Variants in GRM5 observed in about 807,000 individuals in gnomAD.
GRM5 encodes glutamate metabotropic receptor 5.
GRM5 carries 19 observed loss-of-function variants against 83.1 expected under a neutral mutation model. That is an observed-to-expected ratio of 0.23 (90% CI 0.16 to 0.34). The LOEUF is 0.34. Among genes scored for constraint, GRM5 ranks in the 10% least tolerant of loss-of-function variants. The pLI, the probability that GRM5 is intolerant of heterozygous loss-of-function variation, is 1.00. For missense variants in GRM5, 1,160 were observed against 1,588.3 expected, an observed-to-expected ratio of 0.73 and a Z score of 4.58; for synonymous variants, 675 against 633.6, an observed-to-expected ratio of 1.07 and a Z score of -0.98.
chr11:88,611,090 T>C (rs1938301478), intron 4 of GRM5, among the ~76,000 whole-genome samples: 1 of 152,216 alleles, frequency 6.6e-6, no homozygotes. Context: ...TTAATTAACA[T>C]TTTCATGTGC....
chr11:88,982,078 T>G (rs1939542732), intron 2 of GRM5, among the ~76,000 whole-genome samples: 1 of 152,228 alleles, frequency 6.6e-6, no homozygotes, highest in East Asian at 1.9e-4. Flanking sequence ...ATCCTGCTGT[T>G]GGTATTGGGT....
intron 4 of GRM5, among the ~76,000 whole-genome samples, chr11:88,648,875 TTGGATAGTAGGAG>T (rs904373978): frequency 6.7e-6 from 1 of 150,176 alleles, no homozygotes; most frequent in African/African-American, 2.5e-5. Flanking sequence ...AGCGGTGTAA[TTGGATAGTAGGAG>T]TGGAGAGAGA....
chr11:89,035,061 T>C (rs536446053), intron 2 of GRM5, among the ~76,000 whole-genome samples: 43 of 151,746 alleles, frequency 2.8e-4, no homozygotes, highest in African/African-American at 9.9e-4. Context: ...GTTATTCTCA[T>C]CCAAATTATA....
intron 3 of GRM5, among the ~76,000 whole-genome samples, chr11:88,701,632 T>A (rs1463857445): frequency 6.6e-6 from 1 of 152,140 alleles, no homozygotes; most frequent in Non-Finnish European, 1.5e-5. Flanking sequence ...TCTTATACAT[T>A]TTAGGGAAGT....
At chr11:88,964,513 G>A (rs1475337472) in intron 2 of GRM5, among the ~76,000 whole-genome samples, 2 of 152,094 alleles carry the variant, frequency 1.3e-5, no homozygotes, top group Non-Finnish European at 2.9e-5. Context: ...GAGCCCATCT[G>A]AGTGCTGTGG....
chr11:88,591,310 C>A (rs1338721530), intron 6 of GRM5, among the ~76,000 whole-genome samples: 1 of 152,122 alleles, frequency 6.6e-6, no homozygotes, highest in African/African-American at 2.4e-5. Flanking sequence ...ACAATTCAAC[C>A]CATTCTTTCC....
chr11:88,996,216 C>A (rs1399308116), intron 2 of GRM5, among the ~76,000 whole-genome samples: 2 of 152,198 alleles, frequency 1.3e-5, no homozygotes, highest in Non-Finnish European at 2.9e-5. Context: ...AATTTGATTA[C>A]AGCTGTGTCT....
intron 3 of GRM5, among the ~76,000 whole-genome samples, chr11:88,740,241 A>AT (rs1286735967): frequency 6.6e-6 from 1 of 151,936 alleles, no homozygotes; most frequent in African/African-American, 2.4e-5. Flanking sequence ...CCACAGGATA[A>AT]TTTTTTTCCA....
At chr11:88,918,641 A>G (rs1736801699) in intron 2 of GRM5, among the ~76,000 whole-genome samples, 1 of 152,048 alleles carries the variant, frequency 6.6e-6, no homozygotes, top group African/African-American at 2.4e-5. Flanking sequence ...TATCTTGAGT[A>G]GGAAGACTAA....
At chr11:88,941,189 A>C (rs1328257795) in intron 2 of GRM5, among the ~76,000 whole-genome samples, 3 of 151,780 alleles carry the variant, frequency 2.0e-5, no homozygotes, top group African/African-American at 7.3e-5. Context: ...AGCCTGAAGC[A>C]CCTTAATGTG....
At position 89,030,864 on chromosome 11, in the gene GRM5, A is replaced by C. The variant is rs559989153; in HGVS notation, c.661+16348T>G. On this transcript the variant is annotated intron_variant, in intron 2 of 9. Coordinates refer to ENST00000305447, the MANE Select transcript of GRM5 (RefSeq NM_001143831.3). Reference sequence around the variant, plus strand: ...AGTTTACATGCGTATTTGACTAACTAGTCCATGGTGGAAGTAAAACTAAAC... The same window carrying C: ...AGTTTACATGCGTATTTGACTAACTCGTCCATGGTGGAAGTAAAACTAAAC... Among the ~76,000 whole-genome samples the C allele has an allele frequency of 2.6e-5, 4 of 152,172 alleles. No homozygotes were observed. The South Asian group carries it at 8.3e-4, about 32-fold the overall frequency.
chr11:88,691,931 G>A (rs1222987047), intron 3 of GRM5, among the ~76,000 whole-genome samples: 2 of 152,228 alleles, frequency 1.3e-5, no homozygotes, highest in Admixed American at 6.5e-5. Context: ...TGAGCAACAG[G>A]AAAGTCCGAA....
At chr11:88,806,031 C>A (rs1052938644) in intron 3 of GRM5, among the ~76,000 whole-genome samples, 1 of 152,210 alleles carries the variant, frequency 6.6e-6, no homozygotes, top group African/African-American at 2.4e-5. Flanking sequence ...GATAATAATT[C>A]AAATCCCAAT....
chr11:88,980,512 G>C (rs1939486509), intron 2 of GRM5, among the ~76,000 whole-genome samples: 1 of 152,092 alleles, frequency 6.6e-6, no homozygotes, highest in African/African-American at 2.4e-5. Flanking sequence ...TTTTCTAGTA[G>C]TTTTTCCATT....
At chr11:88,992,459 T>C (rs1218256989) in intron 2 of GRM5, among the ~76,000 whole-genome samples, 20 of 152,280 alleles carry the variant, frequency 1.3e-4, no homozygotes, top group South Asian at 8.3e-4. Context: ...GTCAGTGTGG[T>C]GACTCCTCAG....
chr11:88,908,580 GT>G (rs954505204), intron 2 of GRM5, among the ~76,000 whole-genome samples: 11 of 152,008 alleles, frequency 7.2e-5, no homozygotes, highest in African/African-American at 2.4e-4. Flanking sequence ...TTTTTTGCCT[GT>G]TTTAAAAAGT....
chr11:88,586,779 G>A (rs1943323367), intron 7 of GRM5, among the ~76,000 whole-genome samples: 1 of 152,036 alleles, frequency 6.6e-6, no homozygotes, highest in African/African-American at 2.4e-5. Context: ...GCATTTCTAG[G>A]TTTGGCATTT....
At chr11:88,625,964 C>A (rs1322319847) in intron 4 of GRM5, among the ~76,000 whole-genome samples, 1 of 152,134 alleles carries the variant, frequency 6.6e-6, no homozygotes, top group Non-Finnish European at 1.5e-5. Context: ...TCAGCGGCAA[C>A]AGGCAGTGAG....
At chr11:88,768,004 C>G (rs961219327) in intron 3 of GRM5, among the ~76,000 whole-genome samples, 1 of 151,846 alleles carries the variant, frequency 6.6e-6, no homozygotes, top group Non-Finnish European at 1.5e-5. Context: ...AAGTATAAAA[C>G]AGTATAGCTG....
Sources: gnomAD v4.1 joint callset for allele counts (sites outside exome capture counted in the v4.1 genomes callset) on GRCh38, gnomAD v4.1.1 for gene constraint, MANE v1.5 for transcripts, NCBI Gene and HGNC (gene_info 2026-07-23, HGNC 2026-07-21) for gene names.